PRPF3: variants seen among roughly 807,000 people sequenced by gnomAD.
PRPF3 encodes the protein pre-mRNA processing factor 3, also known as U4/U6 small nuclear ribonucleoprotein Prp3.
In PRPF3, 3 loss-of-function variants were observed where a neutral mutation model predicts 89.2. That is an observed-to-expected ratio of 0.03 (90% confidence interval 0.02 to 0.09). The LOEUF (loss-of-function observed/expected upper bound fraction) is 0.09. Ranked by LOEUF, PRPF3 falls within the 10% of genes least tolerant of loss-of-function variation. The probability of loss-of-function intolerance (pLI) is 1.00; values close to 1 mark genes in which losing one functional copy is unlikely to be tolerated. For synonymous variants in PRPF3, 270 were observed against 289.1 expected (o/e 0.93, Z 0.67); for missense variants, 463 against 828.8 (o/e 0.56, Z 5.42).
chr1:150,334,591 G>A (rs587700886), intron 6 of PRPF3, among the ~76,000 whole-genome samples: 1 of 152,122 alleles, frequency 6.6e-6, no homozygotes, highest in Admixed American at 6.6e-5. Context: ...CCAAAGTGCT[G>A]GGATTACAGT....
intron 1 of PRPF3, among the ~76,000 whole-genome samples, chr1:150,323,275 C>T (rs781811709): frequency 1.4e-5 from 2 of 139,370 alleles, no homozygotes; most frequent in Non-Finnish European, 3.0e-5. Context: ...CTCCTGGGTT[C>T]AAGTGATTTT....
intron 15 of PRPF3, among the ~76,000 whole-genome samples, chr1:150,351,945 C>G (rs116400338): frequency 0.014 from 2,133 of 152,186 alleles, 55 homozygotes; most frequent in African/African-American, 0.049. Flanking sequence ...GGAATTGTCT[C>G]TCATGTTCAG....
At chr1:150,352,713 C>T (rs1327067981) in intron 15 of PRPF3, 120 bp from the exon 16 acceptor site, 1 of 1,113,444 alleles carries the variant, frequency 9.0e-7, no homozygotes, top group East Asian at 2.6e-5. Flanking sequence ...TTTTTTTTAA[C>T]CATAAAATCA....
chr1:150,334,490 A>G (rs1245578254), intron 6 of PRPF3, among the ~76,000 whole-genome samples: 1 of 151,468 alleles, frequency 6.6e-6, no homozygotes, highest in Non-Finnish European at 1.5e-5. Context: ...GCCCGTCTAA[A>G]TTTTGTATTT....
At chr1:150,343,528 C>G (rs1196918533) in intron 10 of PRPF3, 76 bp downstream of exon 10, 1 of 1,547,440 alleles carries the variant, frequency 6.5e-7, no homozygotes, top group African/African-American at 1.4e-5. Flanking sequence ...ACTTTAACAT[C>G]TCTGTGTTTG....
rs1470378901 is a variant in PRPF3 at position 150,332,620 on chromosome 1, A to G, written c.424-64A>G. On this transcript the variant is annotated intron_variant, in intron 4 of 15. Coordinates refer to ENST00000324862, the MANE Select transcript of PRPF3 (RefSeq NM_004698.4). ...GACCTGAGAGCCTTGTGGGTTTAAA[A>G]ACCTGAATGGGAGAAGTAAGAAGGA... The G allele has an allele frequency of 2.6e-6, 4 of 1,535,666 alleles. No homozygotes were observed. The African/African-American group carries it at 4.1e-5, about 16-fold the overall frequency.
At chr1:150,323,136 A>AAGT (rs1174257055) in intron 1 of PRPF3, among the ~76,000 whole-genome samples, 1 of 138,432 alleles carries the variant, frequency 7.2e-6, no homozygotes, top group Non-Finnish European at 1.5e-5. Flanking sequence ...TGGCCTCCCA[A>AAGT]AGTGTTGGGA....
intron 3 of PRPF3, among the ~76,000 whole-genome samples, chr1:150,326,598 G>A (rs1655742423): frequency 6.6e-6 from 1 of 151,798 alleles, no homozygotes; most frequent in Non-Finnish European, 1.5e-5. Context: ...AAGTTCTTCT[G>A]ATACCTTGGC....
chr1:150,325,900 T>G lies in PRPF3; in HGVS notation c.276+19T>G, dbSNP rs1401755988. ...GCTAAAGGTAGGTTACAATTTACTG[T>G]CTAATGAGCTCAGGACTGTTTTGAA... On this transcript the variant is annotated intron_variant, in intron 3 of 15. Transcript: ENST00000324862. 3.7e-6 allele frequency: 6 copies of G among 1,610,154 alleles called. 1 individual carries two copies. Among genetic ancestry groups the G allele is most frequent in the Non-Finnish European group, 5.1e-6 (6 of 1,177,468 alleles).
chr1:150,351,667 ATTTT>A (rs10692607), intron 15 of PRPF3, among the ~76,000 whole-genome samples: 5 of 94,438 alleles, frequency 5.3e-5, no homozygotes, highest in Non-Finnish European at 1.0e-4. Flanking sequence ...TGCCTGGCTA[ATTTT>A]TTTTTTTTTT....
chr1:150,324,878 C>CGCT lies in PRPF3; in HGVS notation c.-48-17_-48-16insGCT. ...AGTCTTTTCTTATTCTCTAACTTGT[C>CGCT]TCTTTTTTTTTTTTAGGTGTAGTAT... On this transcript the variant is annotated splice_polypyrimidine_tract_variant and intron_variant, in intron 1 of 15. Coordinates refer to ENST00000324862, the MANE Select transcript of PRPF3 (RefSeq NM_004698.4). 1.6e-6 allele frequency: 1 copy of CGCT among 640,348 alleles called. No homozygotes were observed. Among genetic ancestry groups the CGCT allele is most frequent in the Non-Finnish European group, 2.3e-6 (1 of 429,722 alleles). The allele number at this position is 640,348 out of a possible 1,614,324, so 39.7% of individuals were successfully genotyped here. A position where few individuals can be genotyped will look rare whatever the true frequency, so the allele number is the denominator to read the frequency against.
intron 4 of PRPF3, among the ~76,000 whole-genome samples, chr1:150,331,372 TTACTTATTTAG>T (rs1656363174): frequency 6.6e-6 from 1 of 151,590 alleles, no homozygotes; most frequent in South Asian, 2.1e-4. Context: ...CTTTCTTTCT[TTACTTATTTAG>T]AGATGGAGTC....
intron 12 of PRPF3, among the ~76,000 whole-genome samples, chr1:150,344,766 T>C (rs1658114190): frequency 6.6e-6 from 1 of 151,186 alleles, no homozygotes; most frequent in Non-Finnish European, 1.5e-5. Flanking sequence ...AAGTCTTCTT[T>C]TTTTTTTTAC....
chr1:150,332,568 A>T, intron 4 of PRPF3, 116 bp from the exon 5 acceptor site: 1 of 975,572 alleles, frequency 1.0e-6, no homozygotes, highest in Non-Finnish European at 1.6e-6. Flanking sequence ...AATGTGGTAT[A>T]GTCATTCAAA....
chr1:150,345,415 A>G (rs1658176489), intron 12 of PRPF3: 1 of 152,928 alleles, frequency 6.5e-6, no homozygotes. Flanking sequence ...CAATGGCGCG[A>G]TCTCAGCGCA....
intron 3 of PRPF3, chr1:150,328,095 A>G: frequency 1.8e-6 from 1 of 545,334 alleles, no homozygotes; most frequent in Admixed American, 3.1e-5. Context: ...AGATGGGAAC[A>G]TTTATAAGAA....
At chr1:150,337,739 G>A (rs1553868437) in intron 7 of PRPF3, among the ~76,000 whole-genome samples, 1 of 150,030 alleles carries the variant, frequency 6.7e-6, no homozygotes, top group Non-Finnish European at 1.5e-5. Context: ...ACTGCAGCCT[G>A]GGTGACAGAG....
chr1:150,339,044 A>C (rs1374898950), intron 8 of PRPF3, among the ~76,000 whole-genome samples: 1 of 151,992 alleles, frequency 6.6e-6, no homozygotes, highest in Non-Finnish European at 1.5e-5. Flanking sequence ...AGCAAGGATT[A>C]TTAGTTGGTA....
intron 15 of PRPF3, 93 bp from the exon 16 acceptor site, chr1:150,352,740 T>C (rs1659072009): frequency 1.5e-6 from 2 of 1,360,366 alleles, no homozygotes; most frequent in Middle Eastern, 2.5e-4. Context: ...GCTGGGCACA[T>C]GTCTCACAAA....
Sources: allele counts gnomAD v4.1 joint callset (sites outside exome capture counted in the v4.1 genomes callset), GRCh38; gene constraint gnomAD v4.1.1; transcripts MANE v1.5; gene names NCBI Gene and HGNC (gene_info 2026-07-23, HGNC 2026-07-21).